Variants in CEP85L observed in about 807,000 individuals in gnomAD.
CEP85L encodes centrosomal protein of 85 kDa-like.
In CEP85L, 60 loss-of-function variants were observed where a neutral mutation model predicts 100.3. The ratio of observed to expected loss-of-function variants is 0.60; its 90% CI spans 0.49 to 0.74. The LOEUF (loss-of-function observed/expected upper bound fraction) is 0.74. CEP85L is among the 30% of genes least tolerant of loss of function. The pLI, the probability that CEP85L is intolerant of heterozygous loss-of-function variation, is 0.00. For missense variants in CEP85L, 973 were observed against 936.2 expected (o/e 1.04, Z -0.51); for synonymous variants, 319 against 322.7 (o/e 0.99, Z 0.12).
rs190775348 is a variant in CEP85L, at chr6:118,570,146, T to C, written c.233-3830A>G. ...CCGAAAGAATACACACAAAACTTAA[T>C]AAACAAAGGTAACCTCTACATAGTG... On this transcript the variant is annotated intron_variant, in intron 2 of 12. Coordinates refer to ENST00000368491, the MANE Select transcript of CEP85L (RefSeq NM_001042475.3). 3.9e-3 allele frequency among the ~76,000 whole-genome samples: 600 copies of C among 152,168 alleles called. 5 individuals carry two copies. Among genetic ancestry groups the C allele is most frequent in the African/African-American group, 0.014 (587 of 41,540 alleles).
intron 5 of CEP85L, among the ~76,000 whole-genome samples, chr6:118,506,495 G>C (rs901075580): frequency 6.6e-6 from 1 of 152,180 alleles, no homozygotes; most frequent in African/African-American, 2.4e-5. Context: ...ATTTTCTTAT[G>C]TAAGTTGGAA....
chr6:118,646,295 T>C (rs572549440), intron 1 of CEP85L, among the ~76,000 whole-genome samples: 3 of 147,146 alleles, frequency 2.0e-5, no homozygotes, highest in South Asian at 2.2e-4. Flanking sequence ...ATACAATAAA[T>C]TGCTCTTCTT....
intron 3 of CEP85L, among the ~76,000 whole-genome samples, chr6:118,528,923 G>A (rs1173266464): frequency 1.3e-5 from 2 of 152,148 alleles, no homozygotes; most frequent in Non-Finnish European, 1.5e-5. Context: ...AAGGCATACA[G>A]AAAAGGAACA....
At chr6:118,630,652 G>A (rs1200142224) in intron 2 of CEP85L, among the ~76,000 whole-genome samples, 1 of 152,188 alleles carries the variant, frequency 6.6e-6, no homozygotes, top group Non-Finnish European at 1.5e-5. Context: ...AAACTTAAAT[G>A]CATATTACTA....
intron 3 of CEP85L, among the ~76,000 whole-genome samples, chr6:118,554,558 C>T (rs891502512): frequency 9.9e-5 from 15 of 152,174 alleles, no homozygotes; most frequent in Non-Finnish European, 5.9e-5. Context: ...TACTAGGATA[C>T]TAAATAAACA....
chr6:118,565,833 T>C lies in CEP85L; in HGVS notation c.716A>G (p.Asp239Gly), dbSNP rs1161704011. Residue 239 changes from aspartate to glycine, a missense_variant, in exon 3 of 13, where the codon GAC becomes GGC. By Grantham distance (94) the Asp-to-Gly change is moderately conservative. Transcript: ENST00000368491. The part of the protein sequence containing the change: ...KYKFESCSKE[D>G]FRASSSTLRR... ...AAGAGTAGAGGAAGAGGCTCTAAAG[T>C]CCTCCTTGCTACAGCTCTCAAATTT... 3.7e-6 allele frequency: 6 copies of C among 1,613,892 alleles called. No individual in the cohort carries two copies. Among genetic ancestry groups the C allele is most frequent in the Non-Finnish European group, 5.1e-6 (6 of 1,179,994 alleles).
At chr6:118,489,070 C>T (rs111898696) in intron 6 of CEP85L, among the ~76,000 whole-genome samples, 4,403 of 152,104 alleles carry the variant, frequency 0.029, 214 homozygotes, top group African/African-American at 0.1. Flanking sequence ...GAGTTTGAGA[C>T]CAGCCTGGCC....
intron 2 of CEP85L, among the ~76,000 whole-genome samples, chr6:118,628,238 T>A (rs959339365): frequency 1.3e-5 from 2 of 152,052 alleles, no homozygotes; most frequent in African/African-American, 2.4e-5. Context: ...ACGGCAGGGA[T>A]ATTGGAATTA....
intron 6 of CEP85L, among the ~76,000 whole-genome samples, chr6:118,490,248 A>G (rs980641027): frequency 1.3e-5 from 2 of 152,198 alleles, no homozygotes; most frequent in Non-Finnish European, 2.9e-5. Flanking sequence ...ACATAAATGA[A>G]TAAGTGCTAG....
intron 3 of CEP85L, among the ~76,000 whole-genome samples, chr6:118,527,076 C>T (rs1349109655): frequency 8.1e-5 from 11 of 135,434 alleles, no homozygotes; most frequent in Admixed American, 4.1e-4. Context: ...AGTGCGATGG[C>T]GCGATAGAGC....
chr6:118,700,810 A>T (rs912534379), intron 1 of CEP85L, among the ~76,000 whole-genome samples: 2 of 152,176 alleles, frequency 1.3e-5, no homozygotes, highest in Non-Finnish European at 2.9e-5. Context: ...TGGGCTAAAA[A>T]TGGTAAAACC....
intron 3 of CEP85L, among the ~76,000 whole-genome samples, chr6:118,552,791 C>T (rs1778627846): frequency 6.6e-6 from 1 of 151,926 alleles, no homozygotes; most frequent in African/African-American, 2.4e-5. Flanking sequence ...GTAGAGTAAT[C>T]ATGGATCCAC....
At chr6:118,480,754 G>C (rs1241817719) in intron 8 of CEP85L, among the ~76,000 whole-genome samples, 6 of 152,104 alleles carry the variant, frequency 3.9e-5, no homozygotes, top group Non-Finnish European at 8.8e-5. Flanking sequence ...AGAGTCCAGA[G>C]TTGCTCAGTA....
chr6:118,623,998 A>T (rs982591498), intron 2 of CEP85L, among the ~76,000 whole-genome samples: 1 of 152,082 alleles, frequency 6.6e-6, no homozygotes, highest in Non-Finnish European at 1.5e-5. Flanking sequence ...GATTCACCAC[A>T]CCCGAGTTAA....
intron 3 of CEP85L, among the ~76,000 whole-genome samples, chr6:118,532,183 C>G (rs1047624760): frequency 6.6e-6 from 1 of 151,926 alleles, no homozygotes; most frequent in African/African-American, 2.4e-5. Context: ...ACTACATAGC[C>G]ATAAAAGAAT....
intron 1 of CEP85L, among the ~76,000 whole-genome samples, chr6:118,645,250 C>T (rs762885229): frequency 1.3e-5 from 2 of 152,206 alleles, no homozygotes; most frequent in Non-Finnish European, 2.9e-5. Flanking sequence ...CCTCAGAGGC[C>T]TCCCTGACCA....
intron 2 of CEP85L, among the ~76,000 whole-genome samples, chr6:118,568,444 G>T (rs1779676948): frequency 6.6e-6 from 1 of 152,182 alleles, no homozygotes; most frequent in Admixed American, 6.5e-5. Flanking sequence ...GAATGTGGCT[G>T]TATAACAAGA....
chr6:118,663,303 T>C (rs1776032972), intron 1 of CEP85L, among the ~76,000 whole-genome samples: 1 of 152,168 alleles, frequency 6.6e-6, no homozygotes, highest in Non-Finnish European at 1.5e-5. Context: ...TACAGAAACA[T>C]ACACACTGGA....
Position 118,600,300 on chromosome 6 carries a change from G to GGGGGGGTGTGT in CEP85L, c.232+32152_232+32153insACACACCCCCC, listed in dbSNP as rs1562297733. 3.1e-4 allele frequency among the ~76,000 whole-genome samples: 16 copies of GGGGGGGTGTGT among 52,236 alleles called. 4 individuals carry two copies. Among genetic ancestry groups the GGGGGGGTGTGT allele is most frequent in the Admixed American group, 4.1e-4 (2 of 4,828 alleles). 34.3% of individuals were successfully genotyped at this position (52,236 alleles called of 152,430 possible). A position where few individuals can be genotyped will look rare whatever the true frequency, so the allele number is the denominator to read the frequency against. ...CTGCCTGTCCCTGAGCCTTCCTGGGGGTGTGTGTGTGTGTGTGTGTGTGTG... is the reference window on the plus strand; with the variant it reads ...CTGCCTGTCCCTGAGCCTTCCTGGGGGGGGGGTGTGTGTGTGTGTGTGTGTGTGTGTGTGTG... On this transcript the variant is annotated intron_variant, in intron 2 of 12. Transcript: ENST00000368491.
Sources: gnomAD v4.1 joint callset for allele counts (sites outside exome capture counted in the v4.1 genomes callset) on GRCh38, gnomAD v4.1.1 for gene constraint, MANE v1.5 for transcripts, NCBI Gene and HGNC (gene_info 2026-07-23, HGNC 2026-07-21) for gene names.